TRAPPC9: variants seen among roughly 807,000 people sequenced by gnomAD.
TRAPPC9 encodes the protein trafficking protein particle complex subunit 9.
In TRAPPC9, 83 loss-of-function variants were observed where a neutral mutation model predicts 124.0. That is an observed-to-expected ratio of 0.67 (90% confidence interval 0.56 to 0.80). TRAPPC9 has a LOEUF of 0.80. Among genes scored for constraint, TRAPPC9 ranks in the 30% least tolerant of loss-of-function variants. The pLI is 0.00. For synonymous variants in TRAPPC9, 638 were observed against 617.5 expected, an observed-to-expected ratio of 1.03 and a Z score of -0.49; for missense variants, 1,302 against 1,508.3, an observed-to-expected ratio of 0.86 and a Z score of 2.27.
chr8:140,194,758 C>T (rs1329448460), intron 17 of TRAPPC9, among the ~76,000 whole-genome samples: 3 of 152,176 alleles, frequency 2.0e-5, no homozygotes, highest in Non-Finnish European at 2.9e-5. Flanking sequence ...CACTTACACA[C>T]CCCTGACCAT....
At chr8:139,755,099 T>C (rs549705359) in intron 21 of TRAPPC9, among the ~76,000 whole-genome samples, 6 of 152,320 alleles carry the variant, frequency 3.9e-5, no homozygotes, top group Admixed American at 1.3e-4. Flanking sequence ...GTCGTTGTAA[T>C]TGGGGGAGCC....
chr8:139,922,858 G>C (rs1832596906), intron 19 of TRAPPC9, among the ~76,000 whole-genome samples: 1 of 152,234 alleles, frequency 6.6e-6, no homozygotes, highest in Admixed American at 6.5e-5. Flanking sequence ...TGAAGGTAGA[G>C]AGGGAAAGAA....
chr8:139,761,031 A>C (rs576343598), intron 21 of TRAPPC9, among the ~76,000 whole-genome samples: 1 of 152,328 alleles, frequency 6.6e-6, no homozygotes, highest in South Asian at 2.1e-4. Context: ...GCCTCTTGCA[A>C]TCCACCAAGG....
chr8:139,892,770 C>CGA (rs1376855453), intron 20 of TRAPPC9, among the ~76,000 whole-genome samples: 1 of 152,168 alleles, frequency 6.6e-6, no homozygotes, highest in African/African-American at 2.4e-5. Context: ...AGAAGCGCAT[C>CGA]GAGGCACAGG....
chr8:140,231,743 G>C (rs1334478660), intron 16 of TRAPPC9, among the ~76,000 whole-genome samples: 1 of 148,548 alleles, frequency 6.7e-6, no homozygotes, highest in Non-Finnish European at 1.5e-5. Context: ...CCCTGGAACT[G>C]ACTTTGCTCT....
At chr8:140,062,833 A>G (rs1198192840) in intron 17 of TRAPPC9, among the ~76,000 whole-genome samples, 1 of 152,182 alleles carries the variant, frequency 6.6e-6, no homozygotes, top group Non-Finnish European at 1.5e-5. Flanking sequence ...TTGGCCCCAG[A>G]GCCACCCAGC....
intron 17 of TRAPPC9, among the ~76,000 whole-genome samples, chr8:140,046,150 C>T (rs1841579723): frequency 6.6e-6 from 1 of 152,190 alleles, no homozygotes; most frequent in Non-Finnish European, 1.5e-5. Context: ...CCGCCTTGCA[C>T]TAGCACTGTG....
chr8:140,388,771 C>T (rs1160930370), intron 7 of TRAPPC9, among the ~76,000 whole-genome samples: 3 of 149,788 alleles, frequency 2.0e-5, no homozygotes, highest in African/African-American at 7.4e-5. Context: ...TTGCTTGAAC[C>T]TGGGAGGCGG....
chr8:139,763,609 AACACAC>A (rs10543406), intron 21 of TRAPPC9, among the ~76,000 whole-genome samples: 149 of 151,238 alleles, frequency 9.9e-4, no homozygotes, highest in African/African-American at 3.5e-3. Flanking sequence ...CATGCACATA[AACACAC>A]ACACACACAC....
intron 21 of TRAPPC9, among the ~76,000 whole-genome samples, chr8:139,819,918 CAG>C (rs1825133800): frequency 7.0e-6 from 1 of 143,170 alleles, no homozygotes. Flanking sequence ...GAGGCTGAGG[CAG>C]GAGAATCACC....
intron 17 of TRAPPC9, among the ~76,000 whole-genome samples, chr8:140,214,633 G>T (rs973113714): frequency 1.3e-5 from 2 of 152,202 alleles, no homozygotes; most frequent in African/African-American, 4.8e-5. Context: ...ATTTTACAGA[G>T]GGGGATGCTG....
At chr8:140,381,257 A>G (rs1291248527) in intron 7 of TRAPPC9, among the ~76,000 whole-genome samples, 1 of 152,052 alleles carries the variant, frequency 6.6e-6, no homozygotes, top group Admixed American at 6.6e-5. Context: ...TGAAATGACA[A>G]TAACAAAATG....
intron 2 of TRAPPC9, among the ~76,000 whole-genome samples, chr8:140,441,867 C>CA (rs1168446013): frequency 5.3e-5 from 8 of 151,916 alleles, no homozygotes; most frequent in South Asian, 2.1e-4. Flanking sequence ...GCCCAGCCTA[C>CA]AAAAAAAATT....
intron 19 of TRAPPC9, among the ~76,000 whole-genome samples, chr8:139,955,728 G>C (rs1470886648): frequency 6.6e-6 from 1 of 152,200 alleles, no homozygotes. Context: ...TTTTCAGCCA[G>C]CTACCGACCA....
chr8:140,305,047 T>A (rs1265424465), intron 10 of TRAPPC9, among the ~76,000 whole-genome samples: 2 of 152,208 alleles, frequency 1.3e-5, no homozygotes, highest in Non-Finnish European at 2.9e-5. Context: ...TTCGAGAGAA[T>A]CCACTAGAGA....
At chr8:139,932,641 G>A in intron 19 of TRAPPC9, 2 of 403,784 alleles carry the variant, frequency 5.0e-6, no homozygotes, top group South Asian at 1.8e-5. Flanking sequence ...GCACATGCCT[G>A]TAGTCCCAGC....
intron 21 of TRAPPC9, among the ~76,000 whole-genome samples, chr8:139,756,258 C>T (rs77138953): frequency 0.093 from 9,308 of 100,316 alleles, 933 homozygotes; most frequent in African/African-American, 0.24. Flanking sequence ...GACAGCAGGT[C>T]GCAGTAGGAG....
intron 18 of TRAPPC9, among the ~76,000 whole-genome samples, chr8:140,000,870 T>A (rs1473287292): frequency 1.3e-5 from 2 of 152,156 alleles, no homozygotes; most frequent in Non-Finnish European, 2.9e-5. Flanking sequence ...GAACCAGCGA[T>A]CCCATTACTG....
chr8:139,891,064 T>C (rs1316797784), intron 20 of TRAPPC9, among the ~76,000 whole-genome samples: 5 of 152,080 alleles, frequency 3.3e-5, no homozygotes, highest in Non-Finnish European at 7.4e-5. Flanking sequence ...CCAGAAATTT[T>C]ATTTTCTTAA....
Sources: gnomAD v4.1 joint callset for allele counts (sites outside exome capture counted in the v4.1 genomes callset) on GRCh38, gnomAD v4.1.1 for gene constraint, MANE v1.5 for transcripts, NCBI Gene and HGNC (gene_info 2026-07-23, HGNC 2026-07-21) for gene names.